The following IQGAP1 variants were observed in gnomAD, a reference collection of about 807,000 sequenced individuals.
IQGAP1 encodes IQ motif containing GTPase activating protein 1, also known as ras GTPase-activating-like protein IQGAP1.
IQGAP1 carries 66 observed loss-of-function variants against 215.6 expected under a neutral mutation model. The ratio of observed to expected loss-of-function variants is 0.31; its 90% CI spans 0.25 to 0.38. The LOEUF is 0.38. Among genes scored for constraint, IQGAP1 ranks in the 10% least tolerant of loss-of-function variants. The pLI is 1.00. For missense variants in IQGAP1, 1,712 were observed against 1,997.1 expected (o/e 0.86, Z 2.72); for synonymous variants, 772 against 728.7 (o/e 1.06, Z -0.96).
intron 2 of IQGAP1, among the ~76,000 whole-genome samples, chr15:90,410,535 A>G (rs1257741583): frequency 1.3e-5 from 2 of 152,218 alleles, no homozygotes; most frequent in Non-Finnish European, 2.9e-5. Flanking sequence ...TGTCCTTTGT[A>G]GGGACATGGA....
intron 13 of IQGAP1, 50 bp from the exon 14 acceptor site, chr15:90,454,378 A>G (rs199506139): frequency 9.3e-6 from 15 of 1,609,462 alleles, no homozygotes; most frequent in Admixed American, 1.7e-5. Context: ...TTCCTTGAAT[A>G]TTTAAACATG....
At chr15:90,432,809 T>G (rs984396802) in intron 4 of IQGAP1, among the ~76,000 whole-genome samples, 5 of 152,182 alleles carry the variant, frequency 3.3e-5, no homozygotes, top group Admixed American at 3.3e-4. Context: ...CATTATTCAG[T>G]CTTTTGCTTC....
At chr15:90,481,828 C>A in intron 26 of IQGAP1, 132 bp from the exon 27 acceptor site, 1 of 909,208 alleles carries the variant, frequency 1.1e-6, no homozygotes, top group African/African-American at 1.7e-5. Context: ...TTATCACTTA[C>A]CAGCCCCGTG....
intron 15 of IQGAP1, among the ~76,000 whole-genome samples, chr15:90,463,092 CT>C (rs1469384820): frequency 6.6e-6 from 1 of 152,110 alleles, no homozygotes; most frequent in Non-Finnish European, 1.5e-5. Flanking sequence ...CTCTTTCCTT[CT>C]TCATTCTGGT....
intron 2 of IQGAP1, among the ~76,000 whole-genome samples, chr15:90,424,041 G>A (rs1174109708): frequency 6.7e-6 from 1 of 148,548 alleles, no homozygotes; most frequent in African/African-American, 2.5e-5. Context: ...TTTTTTTTTG[G>A]TACTGTTACG....
intron 15 of IQGAP1, among the ~76,000 whole-genome samples, chr15:90,456,700 AC>A (rs1489381605): frequency 1.4e-5 from 2 of 147,966 alleles, no homozygotes; most frequent in Non-Finnish European, 3.0e-5. Context: ...ACATGGTGAA[AC>A]CTCATCTCTA....
intron 3 of IQGAP1, among the ~76,000 whole-genome samples, chr15:90,428,569 T>C (rs1020007995): frequency 2.0e-5 from 3 of 151,744 alleles, no homozygotes; most frequent in Non-Finnish European, 4.4e-5. Context: ...CACTTGAGTC[T>C]AGGAGTTTGA....
In IQGAP1 at chr15:90,404,092, T is replaced by C. The variant is rs149432857; in HGVS notation, c.155+13219T>C. Among the ~76,000 whole-genome samples, 60 of 152,342 alleles carry C rather than the reference T, an allele frequency of 3.9e-4. 1 individual carries two copies. The highest frequency in any genetic ancestry group is 6.8e-3 in the Middle Eastern group (2 of 294). ...GTCAACGGACATTTTCTCCTCAGCT[T>C]TTGCTGTTATAAAAAGTCACTTTGT... On this transcript the variant is annotated intron_variant, in intron 2 of 37. Coordinates refer to ENST00000268182, the MANE Select transcript of IQGAP1 (RefSeq NM_003870.4).
At chr15:90,434,172 C>T (rs1397779144) in intron 5 of IQGAP1, among the ~76,000 whole-genome samples, 2 of 152,106 alleles carry the variant, frequency 1.3e-5, no homozygotes. Context: ...TGCGGTGGCT[C>T]ACGCCTGTAA....
chr15:90,468,269 T>TGG (rs2151029930), intron 18 of IQGAP1, among the ~76,000 whole-genome samples: 1 of 152,292 alleles, frequency 6.6e-6, no homozygotes, highest in African/African-American at 2.4e-5. Context: ...TTTGCCCTGT[T>TGG]GGCCAGGCTG....
At chr15:90,435,729 C>T (rs113549378) in intron 5 of IQGAP1, among the ~76,000 whole-genome samples, 1,912 of 152,292 alleles carry the variant, frequency 0.013, 23 homozygotes, top group Non-Finnish European at 0.02. Context: ...TTAACTATGC[C>T]TTCCTAGTGG....
At chr15:90,398,730 C>T (rs1411888022) in intron 2 of IQGAP1, among the ~76,000 whole-genome samples, 1 of 152,018 alleles carries the variant, frequency 6.6e-6, no homozygotes, top group Non-Finnish European at 1.5e-5. Flanking sequence ...TGGCTGGGCG[C>T]GGTGGCTCAC....
chr15:90,421,475 C>CAA (rs201106789), intron 2 of IQGAP1, among the ~76,000 whole-genome samples: 3 of 95,258 alleles, frequency 3.1e-5, no homozygotes, highest in African/African-American at 1.1e-4. Flanking sequence ...GACTCCGTTT[C>CAA]AAAAAAAAAA....
At chr15:90,487,439 C>T (rs1966142146) in intron 32 of IQGAP1, 56 bp from the exon 33 acceptor site, 1 of 1,310,190 alleles carries the variant, frequency 7.6e-7, no homozygotes, top group Non-Finnish European at 1.1e-6. Context: ...CTTCGGTCCA[C>T]TTGAGAGGAA....
intron 8 of IQGAP1, 72 bp downstream of exon 8, chr15:90,441,756 C>T (rs1343574263): frequency 2.3e-5 from 25 of 1,105,058 alleles, no homozygotes; most frequent in Non-Finnish European, 2.9e-5. Context: ...CCAGTTTAAA[C>T]ATCAGTTTTA....
intron 4 of IQGAP1, 64 bp downstream of exon 4, chr15:90,429,730 C>T (rs1381736477): frequency 1.0e-6 from 1 of 999,382 alleles, no homozygotes; most frequent in Admixed American, 2.4e-5. Flanking sequence ...CCTCAAACAA[C>T]CTGTTCTCAT....
rs199839191 is a variant in IQGAP1, at chr15:90,467,605, T to C, written c.2178+13T>C. 4.8e-5 allele frequency: 77 copies of C among 1,599,896 alleles called. No homozygotes were observed. Among genetic ancestry groups the C allele is most frequent in the South Asian group, 1.1e-5 (1 of 88,796 alleles). ...GGAGGAGATCCAGGTAGGTTACCTT[T>C]CTTCACGTAAGAAGAAGCTGAGAGA... On this transcript the variant is annotated intron_variant, in intron 18 of 37. Coordinates refer to ENST00000268182, the MANE Select transcript of IQGAP1 (RefSeq NM_003870.4).
Position 90,487,051 on chromosome 15 carries a change from T to C in IQGAP1, c.4122T>C (p.Asp1374=). The C allele has an allele frequency of 6.2e-7, 1 of 1,614,058 alleles. No homozygotes were observed. Among genetic ancestry groups the C allele is most frequent in the Non-Finnish European group, 8.5e-7 (1 of 1,179,992 alleles). ...TLTNKFDVPG[D]ENAEMDARTI... ...CCAACAAGTTCGACGTGCCTGGAGA[T>C]GAGAATGCAGAAATGGATGCTCGAA... Residue 1374 remains aspartate, a synonymous_variant, in exon 32 of 38, where the codon GAT becomes GAC. Coordinates refer to ENST00000268182, the MANE Select transcript of IQGAP1 (RefSeq NM_003870.4).
chr15:90,396,502 C>G (rs1036486956), intron 2 of IQGAP1, among the ~76,000 whole-genome samples: 3 of 152,078 alleles, frequency 2.0e-5, no homozygotes, highest in Non-Finnish European at 4.4e-5. Context: ...GACTAAAGGA[C>G]CATAGCATGT....
Sources: gnomAD v4.1 joint callset for allele counts (sites outside exome capture counted in the v4.1 genomes callset) on GRCh38, gnomAD v4.1.1 for gene constraint, MANE v1.5 for transcripts, NCBI Gene and HGNC (gene_info 2026-07-23, HGNC 2026-07-21) for gene names.